Variants in CILP2 observed in about 807,000 individuals in gnomAD.
The protein encoded by CILP2 is CILP-2.
A neutral mutation model predicts 45.6 loss-of-function variants in CILP2; 38 were observed. The ratio of observed to expected loss-of-function variants is 0.83; its 90% CI spans 0.64 to 1.09. The LOEUF (loss-of-function observed/expected upper bound fraction) is 1.09. CILP2 is among the 50% of genes least tolerant of loss of function. The pLI, the probability that CILP2 is intolerant of heterozygous loss-of-function variation, is 0.00. For synonymous variants in CILP2, 780 were observed against 723.5 expected, an observed-to-expected ratio of 1.08 and a Z score of -1.25; for missense variants, 1,735 against 1,662.2, an observed-to-expected ratio of 1.04 and a Z score of -0.76.
At chr19:19,542,319 C>T in intron 4 of CILP2, 56 bp from the exon 5 acceptor site, 1 of 1,558,444 alleles carries the variant, frequency 6.4e-7, no homozygotes, top group Non-Finnish European at 8.7e-7. Context: ...GGAAAGCCCT[C>T]CTCAGGAGGG....
Position 19,544,567 on chromosome 19 carries a change from C to A in CILP2, c.2022C>A (p.Gly674=). The part of the protein sequence containing the change: ...RVAASQIHMP[G]HVEALKLWSL... ...CCGCCAGCCAGATCCACATGCCAGG[C>A]CACGTGGAGGCCCTCAAGCTGTGGT... The change falls in exon 8 of 8, where the codon GGC becomes GGA. Residue 674 remains glycine, a synonymous_variant. Coordinates refer to ENST00000291495, the MANE Select transcript of CILP2 (RefSeq NM_153221.2). 2 of 1,576,746 alleles carry A rather than the reference C, an allele frequency of 1.3e-6. No individual in the cohort carries two copies. The highest frequency in any genetic ancestry group is 1.7e-4 in the Middle Eastern group (1 of 5,950).
rs753120796 is a variant in CILP2, at chr19:19,544,987, C to T, written c.2442C>T (p.Gly814=). 2.0e-4 allele frequency: 315 copies of T among 1,597,320 alleles called. No homozygotes were observed. Among genetic ancestry groups the T allele is most frequent in the Non-Finnish European group, 1.7e-4 (202 of 1,177,620 alleles). Residue 814 remains glycine, a synonymous_variant, in exon 8 of 8, where the codon GGC becomes GGT. Transcript: ENST00000291495. ...AYTALVTATL[G]GEELEPAPSL... is the part of the protein sequence containing the mutation. The stretch of plus-strand genomic sequence containing the variant: ...CCGCCCTGGTCACCGCCACCCTGGG[C>T]GGCGAGGAGCTGGAGCCGGCCCCTT...
At position 19,544,039 on chromosome 19, in the gene CILP2, G is replaced by A. The variant is rs1446701770; in HGVS notation, c.1494G>A (p.Glu498=). The change falls in exon 8 of 8, where the codon GAG becomes GAA. Residue 498 remains glutamate, a synonymous_variant. Coordinates refer to ENST00000291495, the MANE Select transcript of CILP2 (RefSeq NM_153221.2). ...TCGCCAGGATTCTGCTGGGCCAGGA[G>A]CCCATCGGCTTCACCGCCTACCAGG... ...LRFARILLGQ[E]PIGFTAYQGD... 1.2e-6 allele frequency: 2 copies of A among 1,613,928 alleles called. No individual in the cohort carries two copies. Among genetic ancestry groups the A allele is most frequent in the Admixed American group, 1.7e-5 (1 of 60,032 alleles).
At position 19,540,389 on chromosome 19, in the gene CILP2, C is replaced by T; in HGVS notation, c.349C>T (p.Pro117Ser). 1.3e-6 allele frequency: 2 copies of T among 1,527,284 alleles called. No individual in the cohort carries two copies. Among genetic ancestry groups the T allele is most frequent in the Non-Finnish European group, 8.8e-7 (1 of 1,141,314 alleles). 94.6% of individuals were successfully genotyped at this position (1,527,284 alleles called of 1,614,324 possible). Residue 117 changes from proline (P) to serine (S), a missense_variant, in exon 3 of 8, where the codon CCC becomes TCC. By Grantham distance (74) the Pro-to-Ser change is moderately conservative. Coordinates refer to ENST00000291495, the MANE Select transcript of CILP2 (RefSeq NM_153221.2). The stretch of plus-strand genomic sequence containing the variant: ...CGTCGGCGAGCGCGTGCACTTGAAC[C>T]CCACGCGCGGCTTCTGGTGCCTCAA... ...SAVGERVHLN[P>S]TRGFWCLNRE...
Position 19,541,087 on chromosome 19 carries a change from G to A in CILP2, c.437-4G>A, listed in dbSNP as rs775590619. The A allele has an allele frequency of 1.6e-6, 2 of 1,261,558 alleles. No homozygotes were observed. Among genetic ancestry groups the A allele is most frequent in the Non-Finnish European group, 2.0e-6 (2 of 1,003,140 alleles). 78.1% of individuals were successfully genotyped at this position (1,261,558 alleles called of 1,614,324 possible). On this transcript the variant is annotated splice_region_variant and splice_polypyrimidine_tract_variant and intron_variant, in intron 3 of 7. Coordinates refer to ENST00000291495, the MANE Select transcript of CILP2 (RefSeq NM_153221.2). The stretch of plus-strand genomic sequence containing the variant: ...CACCTGATCTCCGTCCCTGCCTTCC[G>A]CAGAAGCCTCGTGGGGCGCGTGGGG...
At chr19:19,543,537 C>A in intron 7 of CILP2, 132 bp downstream of exon 7, 7 of 1,342,790 alleles carry the variant, frequency 5.2e-6, no homozygotes, top group Non-Finnish European at 7.3e-6. Context: ...GCCCCCATAC[C>A]ACTCTGAGCA....
Position 19,545,733 on chromosome 19 carries a change from CTG to C in CILP2, c.3190_3191del (p.Val1064HisfsTer2). 1 of 1,613,242 alleles carries C rather than the reference CTG, an allele frequency of 6.2e-7. No homozygotes were observed. The highest frequency in any genetic ancestry group is 8.5e-7 in the Non-Finnish European group (1 of 1,179,812). ...CTGGGCCACAACTATGGCGTCTACA[CTG>C]TCACTGACCAGAGCCCACGCTTGGC... On this transcript the variant is annotated frameshift_variant, in exon 8 of 8. Transcript: ENST00000291495. LOFTEE classifies it low-confidence loss of function (END_TRUNC).
At chr19:19,543,486 AG>A in intron 7 of CILP2, 81 bp downstream of exon 7, 1 of 1,537,844 alleles carries the variant, frequency 6.5e-7, no homozygotes, top group Non-Finnish European at 8.9e-7. Context: ...CCCCAAATGG[AG>A]CCCCCACTTC....
Position 19,543,943 on chromosome 19 carries a change from G to C in CILP2, c.1398G>C (p.Gln466His). 1 of 1,613,492 alleles carries C rather than the reference G, an allele frequency of 6.2e-7. No homozygotes were observed. Among genetic ancestry groups the C allele is most frequent in the Non-Finnish European group, 8.5e-7 (1 of 1,179,694 alleles). The change falls in exon 8 of 8, where the codon CAG (glutamine) becomes CAC (histidine). Residue 466 changes from glutamine (Q) to histidine (H), a missense_variant. Transcript: ENST00000291495. ...PVKVVAECGC[Q>H]KCLPPRGLVR... ...AGGTGGTGGCAGAGTGTGGCTGCCAGAAGTGTCTGCCCCCTCGGGGGCTGG... is the reference window on the plus strand; with the variant it reads ...AGGTGGTGGCAGAGTGTGGCTGCCACAAGTGTCTGCCCCCTCGGGGGCTGG...
intron 1 of CILP2, among the ~76,000 whole-genome samples, 188 bp downstream of exon 1, chr19:19,538,601 C>T (rs957000910): frequency 3.9e-5 from 6 of 152,236 alleles, no homozygotes; most frequent in African/African-American, 1.4e-4. Context: ...CATTCTCTTC[C>T]TTGGCTAAGC....
chr19:19,546,004 G>C lies in CILP2; in HGVS notation c.3459G>C (p.Arg1153Ser). The change falls in exon 8 of 8, where the codon AGG becomes AGC. Residue 1153 changes from arginine (R) to serine (S), a missense_variant. Transcript: ENST00000291495. ...GTCCCCTCCGCACCCGCCGGGGTAG[G>C]GTCCGGCAGTGACCTGGGCAGGGGC... ...ASGPLRTRRG[R>S]VRQ 1.3e-6 allele frequency: 2 copies of C among 1,486,306 alleles called. No individual in the cohort carries two copies. Among genetic ancestry groups the C allele is most frequent in the Non-Finnish European group, 1.8e-6 (2 of 1,119,744 alleles). 92.1% of individuals were successfully genotyped at this position (1,486,306 alleles called of 1,614,324 possible).
chr19:19,542,987 C>A lies in CILP2; in HGVS notation c.977+15C>A. 6.5e-7 allele frequency: 1 copy of A among 1,532,738 alleles called. No homozygotes were observed. Among genetic ancestry groups the A allele is most frequent in the Non-Finnish European group, 9.0e-7 (1 of 1,108,506 alleles). The allele number at this position is 1,532,738 out of a possible 1,614,324, so 94.9% of individuals were successfully genotyped here. On this transcript the variant is annotated intron_variant, in intron 6 of 7. Transcript: ENST00000291495. ...AAATACTCCTGGTGAGCGCCCGCCC[C>A]GGGCTCAGGGGCATCTTCTGTGGCT...
At position 19,545,615 on chromosome 19, in the gene CILP2, A is replaced by AACGG; in HGVS notation, c.3073_3076dup (p.Leu1026ArgfsTer42). On this transcript the variant is annotated frameshift_variant, in exon 8 of 8. Coordinates refer to ENST00000291495, the MANE Select transcript of CILP2 (RefSeq NM_153221.2). LOFTEE classifies it low-confidence loss of function (END_TRUNC). ...GGGCAGCTGCCGGCGCGTGGCCGTC[A>AACGG]ACGGACTCCTTCGGGATTACCTGAC... The AACGG allele has an allele frequency of 6.2e-7, 1 of 1,608,646 alleles. No homozygotes were observed. Among genetic ancestry groups the AACGG allele is most frequent in the Non-Finnish European group, 8.5e-7 (1 of 1,177,274 alleles).
rs767312660 is a variant in CILP2 at position 19,543,000 on chromosome 19, A to G, written c.977+28A>G. 51 of 1,417,790 alleles carry G rather than the reference A, an allele frequency of 3.6e-5. 2 individuals carry two copies. In the Middle Eastern group the frequency reaches 7.5e-3, roughly 208 times the overall value. The allele number at this position is 1,417,790 out of a possible 1,614,324, so 87.8% of individuals were successfully genotyped here. A position where few individuals can be genotyped will look rare whatever the true frequency, so the allele number is the denominator to read the frequency against. Reference sequence around the variant, plus strand: ...GAGCGCCCGCCCCGGGCTCAGGGGCATCTTCTGTGGCTTTGGGGTTAGATT... The same window carrying G: ...GAGCGCCCGCCCCGGGCTCAGGGGCGTCTTCTGTGGCTTTGGGGTTAGATT... On this transcript the variant is annotated intron_variant, in intron 6 of 7. Coordinates refer to ENST00000291495, the MANE Select transcript of CILP2 (RefSeq NM_153221.2).
chr19:19,543,818 G>A lies in CILP2; in HGVS notation c.1273G>A (p.Gly425Ser). The change falls in exon 8 of 8, where the codon GGC becomes AGC. Residue 425 changes from glycine to serine, a missense_variant. By Grantham distance (56) the Gly-to-Ser change is moderately conservative. Coordinates refer to ENST00000291495, the MANE Select transcript of CILP2 (RefSeq NM_153221.2). ...CPDTRCPSLA[G>S]SSPRCGDASS... The stretch of plus-strand genomic sequence containing the variant: ...CGACACCCGCTGCCCCAGCCTGGCA[G>A]GCTCCAGCCCCCGCTGCGGGGACGC... 1 of 1,613,794 alleles carries A rather than the reference G, an allele frequency of 6.2e-7. No homozygotes were observed. The highest frequency in any genetic ancestry group is 8.5e-7 in the Non-Finnish European group (1 of 1,179,884).
chr19:19,540,108 C>A (rs1260086838), intron 2 of CILP2, 96 bp from the exon 3 acceptor site: 6 of 1,392,634 alleles, frequency 4.3e-6, no homozygotes, highest in Non-Finnish European at 5.6e-6. Flanking sequence ...CGGTGCCCAC[C>A]GGGGGAGGGG....
intron 6 of CILP2, 85 bp from the exon 7 acceptor site, chr19:19,543,163 C>A: frequency 1.4e-6 from 2 of 1,450,460 alleles, no homozygotes; most frequent in Non-Finnish European, 1.9e-6. Context: ...TTTGGCAAAG[C>A]CTCTCTGCAG....
intron 6 of CILP2, 107 bp from the exon 7 acceptor site, chr19:19,543,141 G>A: frequency 8.0e-7 from 1 of 1,247,990 alleles, no homozygotes; most frequent in Non-Finnish European, 1.1e-6. Context: ...TCTTGCTGGG[G>A]AGGAGGCTGA....
chr19:19,539,603 A>T lies in CILP2; in HGVS notation c.65-76A>T, dbSNP rs2061236207. On this transcript the variant is annotated intron_variant, in intron 1 of 7. Transcript: ENST00000291495. ...AAAGGGGGGGGATGATCGTGGCTGC[A>T]CCTTGCCTAAAAGGAGGCTCCCAGC... is the stretch of plus-strand genomic sequence containing the variant. The T allele has an allele frequency of 4.1e-6, 4 of 965,328 alleles. No individual in the cohort carries two copies. The Admixed American group carries it at 1.1e-4, about 26-fold the overall frequency. 59.8% of individuals were successfully genotyped at this position (965,328 alleles called of 1,614,324 possible).
Sources: gnomAD v4.1 joint callset for allele counts (sites outside exome capture counted in the v4.1 genomes callset) on GRCh38, gnomAD v4.1.1 for gene constraint, MANE v1.5 for transcripts, NCBI Gene and HGNC (gene_info 2026-07-23, HGNC 2026-07-21) for gene names.